Variants in EML1 observed in about 807,000 individuals in gnomAD.
EML1 encodes echinoderm microtubule-associated protein-like 1.
In EML1, 27 loss-of-function variants were observed where a neutral mutation model predicts 110.4. The ratio of observed to expected loss-of-function variants is 0.24; its 90% CI spans 0.18 to 0.34. EML1 has a LOEUF of 0.34. EML1 is among the 10% of genes least tolerant of loss of function. The probability of loss-of-function intolerance (pLI) is 1.00; values close to 1 mark genes in which losing one functional copy is unlikely to be tolerated. For missense variants in EML1, 741 were observed against 1,030.9 expected, an observed-to-expected ratio of 0.72 and a Z score of 3.85; for synonymous variants, 344 against 385.8, an observed-to-expected ratio of 0.89 and a Z score of 1.27.
intron 1 of EML1, among the ~76,000 whole-genome samples, chr14:99,753,181 CT>C (rs2057196698): frequency 1.5e-5 from 1 of 67,494 alleles, no homozygotes. Context: ...CCCCACCCCC[CT>C]ACCCGCACCC....
At chr14:99,764,843 T>C (rs2057351511) in intron 1 of EML1, among the ~76,000 whole-genome samples, 1 of 152,248 alleles carries the variant, frequency 6.6e-6, no homozygotes, top group Admixed American at 6.5e-5. Context: ...CAAACCGCTG[T>C]CCTGCCCGTT....
chr14:99,804,670 C>T (rs1207951771), intron 1 of EML1, among the ~76,000 whole-genome samples: 7 of 152,158 alleles, frequency 4.6e-5, no homozygotes, highest in Admixed American at 2.0e-4. Context: ...TCTGGTCTGC[C>T]CTTGCCTGTA....
intron 13 of EML1, among the ~76,000 whole-genome samples, chr14:99,913,260 C>A (rs1478263249): frequency 6.6e-6 from 1 of 151,960 alleles, no homozygotes; most frequent in Non-Finnish European, 1.5e-5. Flanking sequence ...TCAGCCTCTG[C>A]CTCCCAGGCT....
chr14:99,808,095 C>T (rs934258098), intron 1 of EML1, among the ~76,000 whole-genome samples: 18 of 152,132 alleles, frequency 1.2e-4, no homozygotes, highest in African/African-American at 2.9e-4. Flanking sequence ...CTTTCCTCTG[C>T]GTTTCTGAAT....
upstream of EML1, among the ~76,000 whole-genome samples, chr14:99,793,167 C>T (rs1236697565): frequency 6.8e-6 from 1 of 147,712 alleles, no homozygotes; most frequent in Non-Finnish European, 1.5e-5. Context: ...CCAGGCCGCC[C>T]GGGCCGCGCT....
Position 99,909,357 on chromosome 14 carries a change from G to A in EML1, c.1117G>A (p.Ala373Thr), listed in dbSNP as rs1285215387. The A allele has an allele frequency of 1.9e-6, 3 of 1,614,038 alleles. No individual in the cohort carries two copies. The African/African-American group carries it at 4.0e-5, about 22-fold the overall frequency. Reference sequence around the variant, plus strand: ...GTTTTTCCTATAGTGCTCTAATGAAGCTGTGTTTGCTGCGGATTTCCACCC... The same window carrying A: ...GTTTTTCCTATAGTGCTCTAATGAAACTGTGTTTGCTGCGGATTTCCACCC... ...KLADVKCSNE[A>T]VFAADFHPTD... Residue 373 changes from alanine to threonine, a missense_variant, in exon 11 of 22, where the codon GCT (alanine) becomes ACT (threonine). Ala to Thr is a moderately conservative substitution (Grantham distance 58). Transcript: ENST00000262233.
At chr14:99,921,820 C>T (rs2060135160) in intron 17 of EML1, among the ~76,000 whole-genome samples, 1 of 152,152 alleles carries the variant, frequency 6.6e-6, no homozygotes, top group Non-Finnish European at 1.5e-5. Flanking sequence ...GCTTGTGGAG[C>T]TATGCAACAA....
intron 1 of EML1, among the ~76,000 whole-genome samples, chr14:99,760,512 G>A (rs750152833): frequency 6.6e-6 from 1 of 152,144 alleles, no homozygotes; most frequent in Non-Finnish European, 1.5e-5. Context: ...TGTTTAGAAC[G>A]CACCGTTCAA....
At chr14:99,923,697 A>ATCAGAAAC in intron 17 of EML1, among the ~76,000 whole-genome samples, 3 of 152,366 alleles carry the variant, frequency 2.0e-5, no homozygotes, top group Admixed American at 6.5e-5. Context: ...TTTCAAATTG[A>ATCAGAAAC]GTAGTGTCAC....
intron 1 of EML1, among the ~76,000 whole-genome samples, chr14:99,763,334 A>C (rs1228490266): frequency 6.6e-6 from 1 of 152,156 alleles, no homozygotes; most frequent in Non-Finnish European, 1.5e-5. Context: ...ATCTATAAAT[A>C]TACTCACCGC....
intron 13 of EML1, among the ~76,000 whole-genome samples, chr14:99,912,159 G>A (rs1358117550): frequency 6.6e-6 from 1 of 152,132 alleles, no homozygotes; most frequent in Non-Finnish European, 1.5e-5. Context: ...TGGATTACAA[G>A]CATGAGCCAC....
At chr14:99,791,090 A>C (rs2057665051), upstream of EML1, among the ~76,000 whole-genome samples, 1 of 151,900 alleles carries the variant, frequency 6.6e-6, no homozygotes, top group Admixed American at 6.5e-5. Context: ...TGAACTCCTG[A>C]ATTCAGGCAA....
rs2060565452 is a variant in EML1, at chr14:99,940,247, T to G, written c.*135T>G. 1 of 1,267,916 alleles carries G rather than the reference T, an allele frequency of 7.9e-7. No homozygotes were observed. Among genetic ancestry groups the G allele is most frequent in the East Asian group, 2.9e-5 (1 of 34,170 alleles). 78.5% of individuals were successfully genotyped at this position (1,267,916 alleles called of 1,614,324 possible). A position where few individuals can be genotyped will look rare whatever the true frequency, so the allele number is the denominator to read the frequency against. ...AAAACTGTGCCCTCCGCCGGCTACCTTAGCTTAGCGTGTCAGCGGGCGCCA... is the reference window on the plus strand; with the variant it reads ...AAAACTGTGCCCTCCGCCGGCTACCGTAGCTTAGCGTGTCAGCGGGCGCCA... On this transcript the variant is annotated 3_prime_UTR_variant, in exon 22 of 22. Coordinates refer to ENST00000262233, the MANE Select transcript of EML1 (RefSeq NM_004434.3).
At chr14:99,863,297 A>G (rs113397178) in intron 2 of EML1, among the ~76,000 whole-genome samples, 8 of 151,996 alleles carry the variant, frequency 5.3e-5, no homozygotes, top group African/African-American at 1.9e-4. Context: ...GCCCCCCACT[A>G]CCTTCAGTGA....
intron 1 of EML1, among the ~76,000 whole-genome samples, chr14:99,755,270 A>G (rs1409944203): frequency 6.6e-6 from 1 of 152,222 alleles, no homozygotes; most frequent in African/African-American, 2.4e-5. Context: ...AGCCTCCAGC[A>G]GCCTTGGGGG....
chr14:99,921,080 C>G (rs1483136015), intron 17 of EML1, among the ~76,000 whole-genome samples: 1 of 152,124 alleles, frequency 6.6e-6, no homozygotes, highest in East Asian at 1.9e-4. Flanking sequence ...CCCTCGCCCC[C>G]CTCCAACAGG....
At chr14:99,917,953 G>A (rs1166699588) in intron 16 of EML1, 104 bp downstream of exon 16, 17 of 1,149,932 alleles carry the variant, frequency 1.5e-5, no homozygotes, top group Non-Finnish European at 2.0e-5. Context: ...TTGGCTACAT[G>A]TTCGAAGCTT....
intron 17 of EML1, among the ~76,000 whole-genome samples, chr14:99,935,339 TC>T (rs1410244094): frequency 1.3e-5 from 2 of 151,782 alleles, no homozygotes; most frequent in African/African-American, 4.8e-5. Flanking sequence ...TGGCCAAGTG[TC>T]ATGGCACACG....
chr14:99,832,057 C>T (rs1053576993), intron 1 of EML1, among the ~76,000 whole-genome samples: 18 of 152,152 alleles, frequency 1.2e-4, no homozygotes, highest in Admixed American at 1.1e-3. Flanking sequence ...CCCTGCCCCC[C>T]TCCACTCCAA....
Sources: allele counts gnomAD v4.1 joint callset (sites outside exome capture counted in the v4.1 genomes callset), GRCh38; gene constraint gnomAD v4.1.1; transcripts MANE v1.5; gene names NCBI Gene and HGNC (gene_info 2026-07-23, HGNC 2026-07-21).